The following VMA12 variants were observed in gnomAD, a reference collection of about 807,000 sequenced individuals.
VMA12 encodes vacuolar ATPase assembly factor VMA12, also known as vacuolar ATPase assembly protein VMA12.
the VMA12 span, among the ~76,000 whole-genome samples, chr17:28,358,748 A>G: frequency 6.6e-6 from 1 of 152,262 alleles, no homozygotes; most frequent in Admixed American, 6.5e-5. Flanking sequence ...GGAGATACCT[A>G]CATGGAATTA....
At chr17:28,359,446 A>C in the VMA12 span, 1 of 1,580,350 alleles carries the variant, frequency 6.3e-7, no homozygotes, top group East Asian at 2.2e-5. Flanking sequence ...GTAGCCCCTC[A>C]GAGTAGGGCC....
the VMA12 span, chr17:28,359,389 C>T: frequency 6.2e-7 from 1 of 1,614,054 alleles, no homozygotes; most frequent in Non-Finnish European, 8.5e-7. Flanking sequence ...GGATCACCCG[C>T]AACGTCACTT....
chr17:28,357,999 C>A, the VMA12 span: 13 of 1,099,600 alleles, frequency 1.2e-5, no homozygotes, highest in Admixed American at 1.7e-4. Context: ...AGTCAAGAGT[C>A]ACTCCATAAA....
At chr17:28,359,354 C>T in the VMA12 span, 2 of 1,613,936 alleles carry the variant, frequency 1.2e-6, no homozygotes, top group Non-Finnish European at 1.7e-6. Flanking sequence ...GATTAAGATA[C>T]AGCTGGCCAA....
the VMA12 span, chr17:28,358,893 T>A: frequency 3.8e-6 from 6 of 1,597,050 alleles, no homozygotes; most frequent in African/African-American, 1.3e-5. Context: ...GATCATTGTG[T>A]TTGTGAAACC....
the VMA12 span, chr17:28,358,550 A>G: frequency 2.1e-6 from 1 of 481,142 alleles, no homozygotes; most frequent in South Asian, 1.5e-5. Context: ...AGGACCTTAG[A>G]AAGAGATTGC....
chr17:28,359,346 T>C, the VMA12 span: 1 of 1,614,102 alleles, frequency 6.2e-7, no homozygotes, highest in Non-Finnish European at 8.5e-7. Context: ...CTGGAGAAGA[T>C]TAAGATACAG....
At chr17:28,360,578 T>C in the VMA12 span, 6 of 1,614,140 alleles carry the variant, frequency 3.7e-6, no homozygotes, top group Non-Finnish European at 5.1e-6. Context: ...CAAGGTGAGG[T>C]ACTAGGAGAT....
At chr17:28,360,713 C>G in the VMA12 span, 2 of 1,610,814 alleles carry the variant, frequency 1.2e-6, no homozygotes, top group Non-Finnish European at 1.7e-6. Context: ...CTAAAGGTGC[C>G]CTCTCTGGCT....
the VMA12 span, chr17:28,363,292 T>A: frequency 6.6e-6 from 1 of 152,166 alleles, no homozygotes; most frequent in Admixed American, 6.6e-5. Context: ...CTGGGGGTGC[T>A]AGCAGAGGCT....
chr17:28,358,637 A>G, the VMA12 span, among the ~76,000 whole-genome samples: 33 of 152,348 alleles, frequency 2.2e-4, no homozygotes, highest in Admixed American at 7.2e-4. Flanking sequence ...GTGGCCACAG[A>G]ACTGATCTAA....
the VMA12 span, chr17:28,358,775 A>T: frequency 1.4e-6 from 1 of 692,852 alleles, no homozygotes; most frequent in African/African-American, 1.8e-5. Context: ...ATTCTTTTCA[A>T]TTGAAAATGA....
At chr17:28,358,286 G>C in the VMA12 span, 2 of 418,342 alleles carry the variant, frequency 4.8e-6, no homozygotes, top group Non-Finnish European at 9.9e-6. Flanking sequence ...CTGATACTTT[G>C]TTTTGTTTGT....
the VMA12 span, chr17:28,361,434 T>C: frequency 3.3e-6 from 2 of 600,156 alleles, no homozygotes; most frequent in South Asian, 2.0e-5. Flanking sequence ...AAAGGGAGCA[T>C]TGGAGGAGAT....
chr17:28,359,237 C>A, the VMA12 span: 1 of 1,472,634 alleles, frequency 6.8e-7, no homozygotes, highest in Non-Finnish European at 9.4e-7. Flanking sequence ...CAGTGCTTTA[C>A]CCCTGGAACC....
the VMA12 span, chr17:28,359,534 C>A: frequency 1.3e-6 from 1 of 767,370 alleles, no homozygotes. Flanking sequence ...CATAGGAAGT[C>A]TGCATACAAA....
the VMA12 span, chr17:28,357,698 C>G: frequency 5.6e-6 from 9 of 1,612,764 alleles, no homozygotes; most frequent in Non-Finnish European, 7.6e-6. Flanking sequence ...TGCGGGCGAG[C>G]GATTGGTGCG....
the VMA12 span, chr17:28,361,598 G>T: frequency 3.8e-6 from 1 of 264,150 alleles, no homozygotes; most frequent in Non-Finnish European, 7.4e-6. Flanking sequence ...GGCCTTCCCA[G>T]AAGTAGACCA....
the VMA12 span, chr17:28,359,051 C>T: frequency 7.0e-7 from 1 of 1,424,530 alleles, no homozygotes; most frequent in East Asian, 2.3e-5. Context: ...CCATGATACA[C>T]TGAACTTATA....
Sources: allele counts gnomAD v4.1 joint callset (sites outside exome capture counted in the v4.1 genomes callset), GRCh38; gene constraint gnomAD v4.1.1; transcripts MANE v1.5; gene names NCBI Gene and HGNC (gene_info 2026-07-23, HGNC 2026-07-21).